Variants in CELF2 observed in about 807,000 individuals in gnomAD.
CELF2 encodes CUGBP Elav-like family member 2.
Under a neutral mutation model 62.6 loss-of-function variants are expected in CELF2, and 8 were observed. The observed-to-expected ratio is 0.13, with a 90% confidence interval of 0.07 to 0.23. CELF2 has a LOEUF of 0.23. Ranked by LOEUF, CELF2 falls within the 10% of genes least tolerant of loss-of-function variation. The pLI, the probability that CELF2 is intolerant of heterozygous loss-of-function variation, is 1.00. For missense variants in CELF2, 333 were observed against 671.0 expected (o/e 0.50, Z 5.56); for synonymous variants, 258 against 250.0 (o/e 1.03, Z -0.30).
Position 10,848,204 on chromosome 10 carries a change from T to G in CELF2, c.53+49387T>G, listed in dbSNP as rs181272816. On this transcript the variant is annotated intron_variant, in intron 1 of 13. Coordinates refer to the CELF2 transcript ENST00000636488. Reference sequence around the variant, plus strand: ...CATTTTAGGTAAAAGCTTTTCTAGTTGATGTGTTCAGTACCCCTTTATTGC... The same window carrying G: ...CATTTTAGGTAAAAGCTTTTCTAGTGGATGTGTTCAGTACCCCTTTATTGC... Among the ~76,000 whole-genome samples the G allele has an allele frequency of 4.6e-5, 7 of 152,326 alleles. No homozygotes were observed. The East Asian group carries it at 1.4e-3, about 29-fold the overall frequency.
In CELF2 at chr10:11,165,383, C is replaced by T; in HGVS notation, c.75-103C>T. On this transcript the variant is annotated intron_variant, in intron 1 of 12. Transcript: ENST00000633077. This position sits in a 1 kb window ranked among gnomAD's most constrained non-coding sequence, Gnocchi z 7.4. ...CATTAGGCACTTTGCCACTGCTCTTCTTCCTCCTCCTTCCGCCTCCCCGCT... is the reference window on the plus strand; with the variant it reads ...CATTAGGCACTTTGCCACTGCTCTTTTTCCTCCTCCTTCCGCCTCCCCGCT... 1 of 1,525,632 alleles carries T rather than the reference C, an allele frequency of 6.6e-7. No individual in the cohort carries two copies. Among genetic ancestry groups the T allele is most frequent in the Non-Finnish European group, 8.8e-7 (1 of 1,138,348 alleles). The allele number at this position is 1,525,632 out of a possible 1,614,324, so 94.5% of individuals were successfully genotyped here.
the CELF2 span, among the ~76,000 whole-genome samples, chr10:10,561,517 A>G: frequency 6.6e-6 from 1 of 152,258 alleles, no homozygotes; most frequent in African/African-American, 2.4e-5. Flanking sequence ...GTGATCTTCA[A>G]TAAACAAGAG....
At chr10:11,295,099 G>C (rs567749297) in intron 9 of CELF2, among the ~76,000 whole-genome samples, 1 of 152,144 alleles carries the variant, frequency 6.6e-6, no homozygotes, top group Non-Finnish European at 1.5e-5. Flanking sequence ...TTCTTTGCTC[G>C]TGACATTATG....
At position 11,296,233 on chromosome 10, in the gene CELF2, C is replaced by T. The variant is rs77735187; in HGVS notation, c.976+7681C>T. ...TGCAGACATTGACTCTAATTCTTCACGTATTTGCTTTTTGCTGTTGGTGGC... is the reference window on the plus strand; with the variant it reads ...TGCAGACATTGACTCTAATTCTTCATGTATTTGCTTTTTGCTGTTGGTGGC... On this transcript the variant is annotated intron_variant, in intron 9 of 12. Transcript: ENST00000633077. This position sits in a 1 kb window ranked among gnomAD's most constrained non-coding sequence, Gnocchi z 5.0. 6.6e-6 allele frequency among the ~76,000 whole-genome samples: 1 copy of T among 152,078 alleles called. No individual in the cohort carries two copies. Among genetic ancestry groups the T allele is most frequent in the East Asian group, 1.9e-4 (1 of 5,194 alleles).
intron 8 of CELF2, among the ~76,000 whole-genome samples, chr10:11,284,451 T>C (rs2090403466): frequency 6.9e-6 from 1 of 144,792 alleles, no homozygotes; most frequent in African/African-American, 2.6e-5. Context: ...GTGTGGTGGG[T>C]GGATGAGGGA....
the CELF2 span, among the ~76,000 whole-genome samples, chr10:10,658,579 C>A: frequency 6.6e-6 from 1 of 152,150 alleles, no homozygotes; most frequent in African/African-American, 2.4e-5. Flanking sequence ...AATTTGCTAA[C>A]TTTTATAAAT....
intron 2 of CELF2, among the ~76,000 whole-genome samples, chr10:11,196,588 G>A (rs768854985): frequency 2.0e-5 from 3 of 151,994 alleles, no homozygotes; most frequent in Non-Finnish European, 2.9e-5. Context: ...GACAGCATGG[G>A]CCCAGGAGTT....
the CELF2 span, among the ~76,000 whole-genome samples, chr10:10,677,202 T>C: frequency 6.6e-6 from 1 of 152,206 alleles, no homozygotes; most frequent in Non-Finnish European, 1.5e-5. Flanking sequence ...GAGGTTCACA[T>C]CATTTACATA....
the CELF2 span, among the ~76,000 whole-genome samples, chr10:10,730,375 G>A: frequency 3.3e-5 from 5 of 152,206 alleles, no homozygotes; most frequent in Non-Finnish European, 7.3e-5. Context: ...TACTTGGGAG[G>A]CTGAGGCAGG....
chr10:10,616,826 G>C, the CELF2 span, among the ~76,000 whole-genome samples: 3 of 151,796 alleles, frequency 2.0e-5, no homozygotes, highest in African/African-American at 7.3e-5. Context: ...GGGCTCAAGC[G>C]ATCCTTCCAC....
chr10:11,129,543 C>G (rs778477218), intron 1 of CELF2, among the ~76,000 whole-genome samples: 2 of 152,116 alleles, frequency 1.3e-5, no homozygotes, highest in African/African-American at 2.4e-5. Context: ...TTATTATTGC[C>G]TCCATTTCAG....
At chr10:10,814,749 G>A (rs1590710908) in intron 1 of CELF2, among the ~76,000 whole-genome samples, 2 of 152,318 alleles carry the variant, frequency 1.3e-5, no homozygotes, top group East Asian at 3.9e-4. Context: ...GTTAAATCCA[G>A]GTAATATGAT....
At chr10:11,017,854 G>T (rs1280311912), upstream of CELF2, 1 of 711,798 alleles carries the variant, frequency 1.4e-6, no homozygotes, top group Non-Finnish European at 1.7e-6. The surrounding 1 kb of genome is among the most constrained non-coding windows in gnomAD (Gnocchi z 5.5). Flanking sequence ...AAGCGGCGGC[G>T]GGCGCCCCGC....
At chr10:11,136,281 A>G (rs2060425756) in intron 1 of CELF2, among the ~76,000 whole-genome samples, 1 of 152,204 alleles carries the variant, frequency 6.6e-6, no homozygotes, top group Non-Finnish European at 1.5e-5. Flanking sequence ...TGAGGATCTT[A>G]TATTCTGGCT....
chr10:10,996,454 G>T (rs892963856), intron 2 of CELF2, among the ~76,000 whole-genome samples: 1 of 152,266 alleles, frequency 6.6e-6, no homozygotes, highest in African/African-American at 2.4e-5. Context: ...CTTTCTCCGG[G>T]CATGTGCAGG....
At chr10:11,026,082 C>G (rs2059155052) in intron 1 of CELF2, among the ~76,000 whole-genome samples, 1 of 152,212 alleles carries the variant, frequency 6.6e-6, no homozygotes, top group Non-Finnish European at 1.5e-5. Context: ...ACAGACTTCA[C>G]AGAGAAATCT....
chr10:10,976,233 C>G (rs925368842), intron 2 of CELF2, among the ~76,000 whole-genome samples: 4 of 152,208 alleles, frequency 2.6e-5, no homozygotes, highest in African/African-American at 9.7e-5. Flanking sequence ...AGGTCCTGCA[C>G]ATCTCCTACC....
the CELF2 span, among the ~76,000 whole-genome samples, chr10:10,631,030 C>G: frequency 6.6e-6 from 1 of 152,144 alleles, no homozygotes; most frequent in African/African-American, 2.4e-5. Flanking sequence ...CCTTAAGATT[C>G]TCAACTATAG....
At chr10:10,870,508 C>T (rs2060670523) in intron 1 of CELF2, among the ~76,000 whole-genome samples, 2 of 152,024 alleles carry the variant, frequency 1.3e-5, no homozygotes, top group African/African-American at 2.4e-5. Flanking sequence ...CAGTGATTTC[C>T]GAAATACCAG....
Sources: gnomAD v4.1 joint callset for allele counts (sites outside exome capture counted in the v4.1 genomes callset) on GRCh38, gnomAD v4.1.1 for gene constraint, Gnocchi (gnomAD v3.1) non-coding constraint, MANE v1.5 for transcripts, NCBI Gene and HGNC (gene_info 2026-07-23, HGNC 2026-07-21) for gene names.